RAB5B: variants seen among roughly 807,000 people sequenced by gnomAD.
RAB5B encodes the protein ras-related protein Rab-5B.
Under a neutral mutation model 28.6 loss-of-function variants are expected in RAB5B, and 11 were observed. The ratio of observed to expected loss-of-function variants is 0.38; its 90% CI spans 0.24 to 0.64. RAB5B has a LOEUF of 0.64. RAB5B is among the 30% of genes least tolerant of loss of function. The pLI is 0.53. For missense variants in RAB5B, 169 were observed against 265.6 expected, an observed-to-expected ratio of 0.64 and a Z score of 2.53; for synonymous variants, 93 against 97.9, an observed-to-expected ratio of 0.95 and a Z score of 0.29.
Position 55,996,290 on chromosome 12 carries a change from G to T in RAB5B, c.*4078G>T, listed in dbSNP as rs1232968608. The T allele has an allele frequency of 1.3e-5, 2 of 151,990 alleles. No homozygotes were observed. Among genetic ancestry groups the T allele is most frequent in the East Asian group, 3.9e-4 (2 of 5,192 alleles). The allele number at this position is 151,990 out of a possible 1,614,324, so 9.4% of individuals were successfully genotyped here. On this transcript the variant is annotated 3_prime_UTR_variant, in exon 6 of 6. Transcript: ENST00000360299. ...AACTGATTAAAATTGCAGCTCCACC[G>T]TCCGGCCTCTAGAGGGCAGTGTATG...
At position 55,986,930 on chromosome 12, in the gene RAB5B, C is replaced by A; in HGVS notation, c.-31C>A. The A allele has an allele frequency of 1.3e-6, 2 of 1,514,786 alleles. No homozygotes were observed. The highest frequency in any genetic ancestry group is 1.8e-6 in the Non-Finnish European group (2 of 1,098,730). 93.8% of individuals were successfully genotyped at this position (1,514,786 alleles called of 1,614,324 possible). A position where few individuals can be genotyped will look rare whatever the true frequency, so the allele number is the denominator to read the frequency against. ...TCCCCCCTTTACAGTATCCCCCTCC[C>A]TCCACCCTTTCCCATTCTGATAATC... On this transcript the variant is annotated 5_prime_UTR_variant, in exon 2 of 6. Transcript: ENST00000360299.
At chr12:55,990,181 G>C in intron 3 of RAB5B, 83 bp downstream of exon 3, 1 of 1,422,176 alleles carries the variant, frequency 7.0e-7, no homozygotes, top group South Asian at 1.3e-5. Flanking sequence ...ATGCCAAGGC[G>C]GGAGGATCAT....
rs200823103 is a variant in RAB5B at position 55,987,038 on chromosome 12, G to A, written c.78G>A (p.Leu26=). Reference sequence around the variant, plus strand: ...TTTGCCAGTTCAAATTGGTCCTGCTGGGAGAATCTGCAGTGGGAAAGTCAA... The same window carrying A: ...TTTGCCAGTTCAAATTGGTCCTGCTAGGAGAATCTGCAGTGGGAAAGTCAA... ...SKICQFKLVL[L]GESAVGKSSL... Residue 26 remains leucine (L), a synonymous_variant, in exon 2 of 6, where the codon CTG becomes CTA. Coordinates refer to ENST00000360299, the MANE Select transcript of RAB5B (RefSeq NM_002868.4). 1 of 1,613,940 alleles carries A rather than the reference G, an allele frequency of 6.2e-7. No homozygotes were observed. Among genetic ancestry groups the A allele is most frequent in the East Asian group, 2.2e-5 (1 of 44,870 alleles).
chr12:55,975,732 C>T (rs1208199528), intron 1 of RAB5B, among the ~76,000 whole-genome samples: 1 of 151,776 alleles, frequency 6.6e-6, no homozygotes, highest in East Asian at 1.9e-4. Flanking sequence ...ATTGGATTTT[C>T]CCTTACTGTA....
At chr12:55,978,761 A>G (rs148567429) in intron 1 of RAB5B, among the ~76,000 whole-genome samples, 3 of 150,356 alleles carry the variant, frequency 2.0e-5, no homozygotes, top group African/African-American at 7.4e-5. Context: ...ACATACTATT[A>G]TAGAAATACA....
intron 1 of RAB5B, among the ~76,000 whole-genome samples, chr12:55,984,541 G>C (rs1033579652): frequency 1.3e-5 from 2 of 152,008 alleles, no homozygotes; most frequent in Non-Finnish European, 1.5e-5. Context: ...GCACAGTGGC[G>C]CATCAGCTCA....
At chr12:55,987,227 C>T in intron 2 of RAB5B, 104 bp downstream of exon 2, 2 of 1,156,104 alleles carry the variant, frequency 1.7e-6, no homozygotes, top group Non-Finnish European at 2.4e-6. Flanking sequence ...GTGGCGCAAT[C>T]TTGGCTTACT....
At position 55,992,120 on chromosome 12, in the gene RAB5B, C is replaced by G; in HGVS notation, c.556C>G (p.Pro186Ala). The change falls in exon 6 of 6, where the codon CCC becomes GCC. Residue 186 changes from proline (P) to alanine (A), a missense_variant. By Grantham distance (27) the Pro-to-Ala change is conservative (BLOSUM62 -1). Transcript: ENST00000360299. ...AIAKKLPKSE[P>A]QNLGGAAGRS... ...AGCTAAGAAGTTGCCAAAGAGTGAA[C>G]CCCAGAATCTGGGAGGTGCAGCAGG... 6.2e-7 allele frequency: 1 copy of G among 1,614,052 alleles called. No individual in the cohort carries two copies.
intron 1 of RAB5B, among the ~76,000 whole-genome samples, chr12:55,975,614 C>CAA (rs111751524): frequency 1.9e-4 from 24 of 128,574 alleles, no homozygotes; most frequent in African/African-American, 3.5e-4. Flanking sequence ...ACCCTGTCTC[C>CAA]AAAAAAAAAA....
chr12:55,991,378 G>T lies in RAB5B; in HGVS notation c.457G>T (p.Asp153Tyr). Residue 153 changes from aspartate (D) to tyrosine (Y), a missense_variant, in exon 5 of 6, where the codon GAT (aspartate) becomes TAT (tyrosine). Physicochemically the swap from Asp to Tyr is radical, Grantham distance 160 (BLOSUM62 -3). This residue lies in a region of RAB5B where 123 missense variants were observed against 162.4 expected (regional missense o/e 0.76). Transcript: ENST00000360299. ...CTTGCAGGAGGCCCAGGCATATGCAGATGACAACAGCTTATTGTTCATGGA... is the reference window on the plus strand; with the variant it reads ...CTTGCAGGAGGCCCAGGCATATGCATATGACAACAGCTTATTGTTCATGGA... Reference protein sequence around the residue: ...VEYEEAQAYADDNSLLFMETS... With the variant: ...VEYEEAQAYAYDNSLLFMETS... The T allele has an allele frequency of 6.2e-7, 1 of 1,614,050 alleles. No individual in the cohort carries two copies. The highest frequency in any genetic ancestry group is 8.5e-7 in the Non-Finnish European group (1 of 1,179,896).
rs1207856151 is a variant in RAB5B, at chr12:55,995,999, A to ATTTTTTTT, written c.*3788_*3789insTTTTTTTT. The ATTTTTTTT allele has an allele frequency of 4.8e-4, 41 of 85,822 alleles. 1 individual carries two copies. Among genetic ancestry groups the ATTTTTTTT allele is most frequent in the Non-Finnish European group, 3.8e-4 (16 of 42,424 alleles). The allele number at this position is 85,822 out of a possible 1,614,324, so 5.3% of individuals were successfully genotyped here. On this transcript the variant is annotated 3_prime_UTR_variant, in exon 6 of 6. Coordinates refer to ENST00000360299, the MANE Select transcript of RAB5B (RefSeq NM_002868.4). ...TATATATATACATATATATATATATATATATTTTTTTTTTAACAACTGGTA... is the reference window on the plus strand; with the variant it reads ...TATATATATACATATATATATATATATTTTTTTTTATATTTTTTTTTTAACAACTGGTA...
At position 55,992,081 on chromosome 12, in the gene RAB5B, C is replaced by T. The variant is rs761012014; in HGVS notation, c.533-16C>T. The T allele has an allele frequency of 6.2e-7, 1 of 1,605,958 alleles. No individual in the cohort carries two copies. The highest frequency in any genetic ancestry group is 8.5e-7 in the Non-Finnish European group (1 of 1,172,706). On this transcript the variant is annotated splice_polypyrimidine_tract_variant and intron_variant, in intron 5 of 5. Transcript: ENST00000360299. ...AAAGTCTACCATACTTTGTTCTCTTCTCTTTTTATCTCTAGCTAAGAAGTT... is the reference window on the plus strand; with the variant it reads ...AAAGTCTACCATACTTTGTTCTCTTTTCTTTTTATCTCTAGCTAAGAAGTT...
At chr12:55,991,492 G>A (rs564543175) in intron 5 of RAB5B, 39 bp downstream of exon 5, 31 of 1,534,462 alleles carry the variant, frequency 2.0e-5, no homozygotes, top group African/African-American at 1.2e-4. Context: ...TTTTTCCCTC[G>A]TTTATAGGCA....
Position 55,989,776 on chromosome 12 carries a change from T to C in RAB5B, c.164-171T>C, listed in dbSNP as rs546989582. On this transcript the variant is annotated intron_variant, in intron 2 of 5. Transcript: ENST00000360299. ...AGGACTTAGCCAAGGGCAGTCTTAA[T>C]CCTGGTTTCAAGACTTACATGTAAG... Among the ~76,000 whole-genome samples the C allele has an allele frequency of 4.6e-5, 7 of 152,340 alleles. No homozygotes were observed. In the East Asian group the frequency reaches 1.3e-3, roughly 29 times the overall value.
At position 55,994,366 on chromosome 12, in the gene RAB5B, A is replaced by T. The variant is rs1304051318; in HGVS notation, c.*2154A>T. On this transcript the variant is annotated 3_prime_UTR_variant, in exon 6 of 6. Transcript: ENST00000360299. The stretch of plus-strand genomic sequence containing the variant: ...TTCATTATCTTGGGCCTGGGAAACC[A>T]CTTCCCCAGGCTTCTCCCTCCCCCC... 1 of 151,064 alleles carries T rather than the reference A, an allele frequency of 6.6e-6. No homozygotes were observed. Among genetic ancestry groups the T allele is most frequent in the Non-Finnish European group, 1.5e-5 (1 of 67,770 alleles). The allele number at this position is 151,064 out of a possible 1,614,324, so 9.4% of individuals were successfully genotyped here. A position where few individuals can be genotyped will look rare whatever the true frequency, so the allele number is the denominator to read the frequency against.
intron 1 of RAB5B, among the ~76,000 whole-genome samples, chr12:55,975,336 G>A (rs553487465): frequency 2.0e-5 from 3 of 152,256 alleles, no homozygotes; most frequent in Admixed American, 2.0e-4. Flanking sequence ...GGAAGAGTGA[G>A]AAATTCCATT....
chr12:55,991,833 A>G, intron 5 of RAB5B: 1 of 444,648 alleles, frequency 2.2e-6, no homozygotes, highest in Non-Finnish European at 4.1e-6. Context: ...AGGCTGAGCC[A>G]GGATAATCAC....
At chr12:55,989,399 C>T (rs1223334355) in intron 2 of RAB5B, among the ~76,000 whole-genome samples, 4 of 152,098 alleles carry the variant, frequency 2.6e-5, no homozygotes, top group East Asian at 1.9e-4. Context: ...CTCAGCCTCC[C>T]GAGTAGCTGT....
At chr12:55,978,837 A>G (rs1242565105) in intron 1 of RAB5B, among the ~76,000 whole-genome samples, 1 of 150,570 alleles carries the variant, frequency 6.6e-6, no homozygotes, top group African/African-American at 2.5e-5. Context: ...CAGTGGTGCA[A>G]TCTGTGCTCA....
Sources: allele counts gnomAD v4.1 joint callset (sites outside exome capture counted in the v4.1 genomes callset), GRCh38; gene constraint gnomAD v4.1.1; regional missense constraint gnomAD v4.1.1; transcripts MANE v1.5; gene names NCBI Gene and HGNC (gene_info 2026-07-23, HGNC 2026-07-21).